The following ARHGEF28 variants were observed in gnomAD, a reference collection of about 807,000 sequenced individuals.
The protein encoded by ARHGEF28 is 190 kDa guanine nucleotide exchange factor.
In ARHGEF28, 152 loss-of-function variants were observed where a neutral mutation model predicts 206.6. The ratio of observed to expected loss-of-function variants is 0.74; its 90% CI spans 0.64 to 0.84. ARHGEF28 has a LOEUF of 0.84. ARHGEF28 is among the 40% of genes least tolerant of loss of function. The pLI is 0.00. For missense variants in ARHGEF28, 2,028 were observed against 2,073.2 expected (o/e 0.98, Z 0.42); for synonymous variants, 763 against 776.4 (o/e 0.98, Z 0.29).
intron 2 of ARHGEF28, among the ~76,000 whole-genome samples, chr5:73,714,862 T>G (rs542585178): frequency 2.8e-4 from 42 of 152,274 alleles, no homozygotes; most frequent in South Asian, 6.2e-4. Flanking sequence ...TCATAAGAGA[T>G]TAGTTTCTTG....
intron 35 of ARHGEF28, among the ~76,000 whole-genome samples, chr5:73,928,804 C>G (rs1317308992): frequency 6.6e-6 from 1 of 152,168 alleles, no homozygotes; most frequent in African/African-American, 2.4e-5. Context: ...TGCCAAGGTA[C>G]TTAGAAGTCC....
intron 35 of ARHGEF28, among the ~76,000 whole-genome samples, chr5:73,935,637 A>G (rs1764376202): frequency 6.6e-6 from 1 of 152,230 alleles, no homozygotes; most frequent in South Asian, 2.1e-4. Context: ...GTAAATATGA[A>G]TCAACCACTA....
chr5:73,684,887 A>C lies in ARHGEF28; in HGVS notation c.33+3A>C. On this transcript the variant is annotated splice_donor_region_variant and intron_variant, in intron 2 of 35. Transcript: ENST00000513042. ...GCTGCAGCGAAGCACCTCTTTACGT[A>C]AGTTGCTAAGCACGGGGCTTCAGGT... The C allele has an allele frequency of 6.2e-7, 1 of 1,612,058 alleles. No individual in the cohort carries two copies. Among genetic ancestry groups the C allele is most frequent in the Non-Finnish European group, 8.5e-7 (1 of 1,178,850 alleles).
At position 73,905,162 on chromosome 5, in the gene ARHGEF28, T is replaced by C. The variant is rs116980808; in HGVS notation, c.4161+757T>C. The C allele has an allele frequency of 2.4e-3, 373 of 152,368 alleles. 10 individuals carry two copies. The East Asian group carries it at 0.063, about 26-fold the overall frequency. The allele number at this position is 152,368 out of a possible 1,614,324, so 9.4% of individuals were successfully genotyped here. Reference sequence around the variant, plus strand: ...TGAGATCAGTGGCAGCATTAGATTCTTATAGGAGCGTGAACCCTATTGTGA... The same window carrying C: ...TGAGATCAGTGGCAGCATTAGATTCCTATAGGAGCGTGAACCCTATTGTGA... On this transcript the variant is annotated intron_variant, in intron 33 of 35. Transcript: ENST00000513042.
chr5:73,912,912 A>G (rs1369078564), intron 35 of ARHGEF28, among the ~76,000 whole-genome samples: 1 of 152,206 alleles, frequency 6.6e-6, no homozygotes, highest in Non-Finnish European at 1.5e-5. Context: ...TGGCTTTGGT[A>G]TAATTCCGAA....
intron 2 of ARHGEF28, among the ~76,000 whole-genome samples, chr5:73,686,265 G>C (rs1403470559): frequency 6.6e-6 from 1 of 152,034 alleles, no homozygotes; most frequent in Non-Finnish European, 1.5e-5. Flanking sequence ...TCTTACTGCT[G>C]TTTTTTCTGT....
chr5:73,714,323 C>T (rs1749436421), intron 2 of ARHGEF28, among the ~76,000 whole-genome samples: 1 of 152,182 alleles, frequency 6.6e-6, no homozygotes, highest in Admixed American at 6.5e-5. Context: ...GAATGCAAGA[C>T]TGAGCTCTTT....
intron 9 of ARHGEF28, chr5:73,813,765 T>G: frequency 7.2e-7 from 1 of 1,387,718 alleles, no homozygotes; most frequent in East Asian, 2.5e-5. Flanking sequence ...GTTTTTCCAA[T>G]GTAGCGCGTG....
chr5:73,815,672 C>T (rs749195155), intron 9 of ARHGEF28, among the ~76,000 whole-genome samples: 3 of 152,088 alleles, frequency 2.0e-5, no homozygotes, highest in Non-Finnish European at 4.4e-5. Flanking sequence ...GATGAGGAGG[C>T]CAGTGGAGAA....
At chr5:73,689,438 G>T (rs1015428364) in intron 2 of ARHGEF28, among the ~76,000 whole-genome samples, 3 of 152,124 alleles carry the variant, frequency 2.0e-5, no homozygotes, top group Admixed American at 1.3e-4. Context: ...GACCACCTGG[G>T]CCCTAGCAAG....
chr5:73,894,901 T>G (rs1761868702), intron 29 of ARHGEF28, among the ~76,000 whole-genome samples: 1 of 151,572 alleles, frequency 6.6e-6, no homozygotes, highest in South Asian at 2.1e-4. Flanking sequence ...GAAAGCTAAG[T>G]GGTATCTTGA....
chr5:73,716,293 A>C (rs1490873479), intron 2 of ARHGEF28, among the ~76,000 whole-genome samples: 6 of 152,212 alleles, frequency 3.9e-5, no homozygotes, highest in Non-Finnish European at 8.8e-5. Flanking sequence ...CCATGCCAGC[A>C]TGAAGGGTTT....
intron 1 of ARHGEF28, among the ~76,000 whole-genome samples, chr5:73,658,744 G>A (rs1305075420): frequency 1.3e-5 from 2 of 152,278 alleles, no homozygotes; most frequent in African/African-American, 4.8e-5. Context: ...GAATTGTACA[G>A]TGGATTTAGT....
At chr5:73,705,163 C>T (rs188975061) in intron 2 of ARHGEF28, among the ~76,000 whole-genome samples, 97 of 152,272 alleles carry the variant, frequency 6.4e-4, no homozygotes, top group Non-Finnish European at 1.0e-3. Context: ...GCTCTGTCTG[C>T]GTAAAGCATT....
chr5:73,916,700 T>C (rs1412723412), intron 35 of ARHGEF28, among the ~76,000 whole-genome samples: 2 of 152,132 alleles, frequency 1.3e-5, no homozygotes, highest in Non-Finnish European at 2.9e-5. Flanking sequence ...GACCTTAACA[T>C]GTGAATTTTG....
At position 73,684,869 on chromosome 5, in the gene ARHGEF28, C is replaced by T. The variant is rs199997140; in HGVS notation, c.18C>T (p.Ser6=). Residue 6 remains serine, a synonymous_variant, in exon 2 of 36, where the codon AGC becomes AGT. Transcript: ENST00000513042. MELSC[S]EAPLYGQMMI... The stretch of plus-strand genomic sequence containing the variant: ...CGAAAGCCATGGAGTTGAGCTGCAG[C>T]GAAGCACCTCTTTACGTAAGTTGCT... 274 of 1,611,216 alleles carry T rather than the reference C, an allele frequency of 1.7e-4. No homozygotes were observed. The highest frequency in any genetic ancestry group is 3.3e-4 in the Middle Eastern group (2 of 6,058).
intron 26 of ARHGEF28, 66 bp from the exon 27 acceptor site, chr5:73,891,986 A>C: frequency 4.8e-6 from 7 of 1,446,420 alleles, no homozygotes; most frequent in Non-Finnish European, 6.6e-6. Flanking sequence ...CCTTTAGCTC[A>C]TGTTTTACGG....
intron 33 of ARHGEF28, among the ~76,000 whole-genome samples, chr5:73,906,253 T>A (rs1561182322): frequency 6.6e-6 from 1 of 152,228 alleles, no homozygotes; most frequent in Non-Finnish European, 1.5e-5. Context: ...TTATTTATTT[T>A]TTTGAGACAG....
Position 73,858,173 on chromosome 5 carries a change from G to A in ARHGEF28, c.2001G>A (p.Leu667=), listed in dbSNP as rs774453360. ...PGTFSGVLQC[L]VCDKTLLGKE... ...CATTCTCTGGGGTTCTGCAGTGTTT[G>A]GTTTGTGATAAAACACTCCTGGGGA... The change falls in exon 16 of 36, where the codon TTG becomes TTA. Residue 667 remains leucine (L), a synonymous_variant. Coordinates refer to ENST00000513042, the MANE Select transcript of ARHGEF28 (RefSeq NM_001177693.2). 4 of 1,610,806 alleles carry A rather than the reference G, an allele frequency of 2.5e-6. No individual in the cohort carries two copies. Among genetic ancestry groups the A allele is most frequent in the Non-Finnish European group, 3.4e-6 (4 of 1,179,072 alleles).
Sources: allele counts gnomAD v4.1 joint callset (sites outside exome capture counted in the v4.1 genomes callset), GRCh38; gene constraint gnomAD v4.1.1; transcripts MANE v1.5; gene names NCBI Gene and HGNC (gene_info 2026-07-23, HGNC 2026-07-21).